ANXA4: variants seen among roughly 807,000 people sequenced by gnomAD.
ANXA4 encodes the protein annexin A4.
A neutral mutation model predicts 49.8 loss-of-function variants in ANXA4; 39 were observed. That is an observed-to-expected ratio of 0.78 (90% confidence interval 0.61 to 1.02). The LOEUF is 1.02. Among genes scored for constraint, ANXA4 ranks in the 50% least tolerant of loss-of-function variants. The pLI is 0.00. For synonymous variants in ANXA4, 134 were observed against 152.5 expected, an observed-to-expected ratio of 0.88 and a Z score of 0.89; for missense variants, 360 against 410.1, an observed-to-expected ratio of 0.88 and a Z score of 1.05.
intron 1 of ANXA4, among the ~76,000 whole-genome samples, chr2:69,752,077 G>A (rs1670866018): frequency 6.6e-6 from 1 of 152,188 alleles, no homozygotes; most frequent in South Asian, 2.1e-4. Flanking sequence ...GCTTCCTGGA[G>A]GAGGAAGGTT....
intron 2 of ANXA4, among the ~76,000 whole-genome samples, chr2:69,676,026 T>G (rs1677401371): frequency 6.7e-6 from 1 of 150,190 alleles, no homozygotes; most frequent in South Asian, 2.1e-4. Context: ...AAAATAATAA[T>G]GATAATAATA....
In ANXA4 at chr2:69,703,711, G is replaced by C. The variant is rs537957976; in HGVS notation, n.767-17063G>C. 6.3e-4 allele frequency among the ~76,000 whole-genome samples: 96 copies of C among 152,274 alleles called. 1 individual carries two copies. Among genetic ancestry groups the C allele is most frequent in the African/African-American group, 2.1e-3 (86 of 41,550 alleles). Reference sequence around the variant, plus strand: ...ATCTTTCCTCTCATGGATTAGAAATGTCACCACTATCATCTACTAAATTCT... The same window carrying C: ...ATCTTTCCTCTCATGGATTAGAAATCTCACCACTATCATCTACTAAATTCT... On this transcript the variant is annotated intron_variant and non_coding_transcript_variant, in intron 2 of 3. Coordinates refer to the ANXA4 transcript ENST00000418066.
rs888803601 is a variant in ANXA4 at position 69,825,732 on chromosome 2, T to A, written c.*217T>A. On this transcript the variant is annotated 3_prime_UTR_variant, in exon 13 of 13. Transcript: ENST00000394295. ...CTTGCATTTCAAAGCTTATAAGATA[T>A]AAATGGAGATTTTAAAGTAGAAATA... is the stretch of plus-strand genomic sequence containing the variant. 5.0e-6 allele frequency: 2 copies of A among 396,664 alleles called. No homozygotes were observed. The highest frequency in any genetic ancestry group is 4.1e-5 in the African/African-American group (2 of 48,386). The allele number at this position is 396,664 out of a possible 1,614,324, so 24.6% of individuals were successfully genotyped here.
intron 1 of ANXA4, among the ~76,000 whole-genome samples, chr2:69,749,903 ACAG>A (rs1670768502): frequency 6.6e-6 from 1 of 150,556 alleles, no homozygotes; most frequent in Admixed American, 6.7e-5. Flanking sequence ...AGCCTGGGTG[ACAG>A]AGCGAGACTC....
intron 2 of ANXA4, among the ~76,000 whole-genome samples, chr2:69,714,382 G>C (rs1451651220): frequency 1.3e-5 from 2 of 152,180 alleles, no homozygotes; most frequent in African/African-American, 4.8e-5. Context: ...AAATATAAAC[G>C]ACTCTATAGA....
At chr2:69,787,201 G>A (rs1672454872) in intron 2 of ANXA4, among the ~76,000 whole-genome samples, 1 of 152,176 alleles carries the variant, frequency 6.6e-6, no homozygotes, top group Admixed American at 6.5e-5. Flanking sequence ...AGTCGTTAGT[G>A]TCATCAAATG....
chr2:69,735,931 A>C (rs150169097), intron 3 of ANXA4, among the ~76,000 whole-genome samples: 152 of 152,272 alleles, frequency 1.0e-3, no homozygotes, highest in African/African-American at 3.4e-3. Context: ...GAAAACTCAA[A>C]CTGCTGGGGC....
chr2:69,818,527 C>T (rs1674097318), intron 9 of ANXA4, 72 bp from the exon 10 acceptor site: 1 of 958,752 alleles, frequency 1.0e-6, no homozygotes. Context: ...GTTAAAAATG[C>T]TCATTCTCTC....
intron 2 of ANXA4, among the ~76,000 whole-genome samples, chr2:69,656,299 A>C (rs1166586814): frequency 7.2e-5 from 8 of 111,826 alleles, no homozygotes; most frequent in Non-Finnish European, 1.2e-4. Context: ...ATATATGTAT[A>C]TATATGTATA....
intron 1 of ANXA4, among the ~76,000 whole-genome samples, chr2:69,648,939 G>A (rs1353302996): frequency 1.5e-5 from 2 of 136,166 alleles, no homozygotes; most frequent in Non-Finnish European, 3.0e-5. Flanking sequence ...AGGCTGGAGT[G>A]CAATGGCACA....
At chr2:69,657,955 G>A (rs1468429723) in intron 2 of ANXA4, among the ~76,000 whole-genome samples, 2 of 152,074 alleles carry the variant, frequency 1.3e-5, no homozygotes, top group Middle Eastern at 3.2e-3. Flanking sequence ...AAGTGGATGA[G>A]GCTTGAAGAA....
At chr2:69,733,114 C>T (rs1670148014) in intron 3 of ANXA4, among the ~76,000 whole-genome samples, 1 of 152,070 alleles carries the variant, frequency 6.6e-6, no homozygotes. Flanking sequence ...ATTAAAAACG[C>T]TTGTTCTTGT....
chr2:69,715,649 A>G (rs1678857249), intron 2 of ANXA4, among the ~76,000 whole-genome samples: 2 of 152,284 alleles, frequency 1.3e-5, no homozygotes, highest in Admixed American at 6.5e-5. Context: ...ATGCAGAGGC[A>G]CGAAGAGGCT....
intron 3 of ANXA4, among the ~76,000 whole-genome samples, chr2:69,722,709 T>A (rs1669846006): frequency 6.6e-6 from 1 of 152,002 alleles, no homozygotes; most frequent in Non-Finnish European, 1.5e-5. Context: ...TTGCACAACA[T>A]CGTGAATTTA....
At chr2:69,771,108 A>T (rs1671696206) in intron 1 of ANXA4, among the ~76,000 whole-genome samples, 1 of 136,734 alleles carries the variant, frequency 7.3e-6, no homozygotes, top group Non-Finnish European at 1.6e-5. Flanking sequence ...AAAAAAAAAA[A>T]GAAAAAAAAA....
intron 3 of ANXA4, among the ~76,000 whole-genome samples, chr2:69,795,072 A>G (rs1672886982): frequency 1.3e-5 from 2 of 152,022 alleles, no homozygotes; most frequent in African/African-American, 4.8e-5. Context: ...GAGACTCTAT[A>G]CTCCCTTTCA....
intron 2 of ANXA4, among the ~76,000 whole-genome samples, chr2:69,671,125 T>C (rs1274870225): frequency 1.3e-5 from 2 of 149,216 alleles, no homozygotes; most frequent in East Asian, 2.0e-4. Flanking sequence ...ATTTAGATAA[T>C]AGAATGAGTA....
intron 2 of ANXA4, among the ~76,000 whole-genome samples, chr2:69,695,811 A>G (rs1333945597): frequency 1.3e-5 from 2 of 152,216 alleles, no homozygotes; most frequent in Admixed American, 1.3e-4. Context: ...TTCCCAGTGC[A>G]TAGAAAGGTT....
intron 2 of ANXA4, among the ~76,000 whole-genome samples, chr2:69,699,365 G>GT (rs1678260013): frequency 6.6e-6 from 1 of 152,218 alleles, no homozygotes; most frequent in Non-Finnish European, 1.5e-5. Flanking sequence ...TTAGGGCCAG[G>GT]TGTGGTGGCT....
Sources: allele counts gnomAD v4.1 joint callset (sites outside exome capture counted in the v4.1 genomes callset), GRCh38; gene constraint gnomAD v4.1.1; transcripts MANE v1.5; gene names NCBI Gene and HGNC (gene_info 2026-07-23, HGNC 2026-07-21).